HDHD2: variants seen among roughly 807,000 people sequenced by gnomAD.
HDHD2 encodes the protein haloacid dehalogenase-like hydrolase domain-containing protein 2.
Under a neutral mutation model 24.8 loss-of-function variants are expected in HDHD2, and 26 were observed. That is an observed-to-expected ratio of 1.05 (90% CI 0.77 to 1.45). The LOEUF (loss-of-function observed/expected upper bound fraction) is 1.45, where lower values mean the gene tolerates loss of function less well. HDHD2 is among the 40% of genes most tolerant of loss of function. HDHD2 has a pLI of 0.00. For synonymous variants in HDHD2, 128 were observed against 114.9 expected (o/e 1.11, Z -0.73); for missense variants, 299 against 313.4 (o/e 0.95, Z 0.35).
intron 6 of HDHD2, 75 bp from the exon 7 acceptor site, chr18:47,108,860 G>C: frequency 1.2e-6 from 1 of 818,786 alleles, no homozygotes; most frequent in South Asian, 1.4e-5. Context: ...TGAGCACCTG[G>C]GTCATCACAG....
rs114470714 is a variant in HDHD2 at position 47,142,968 on chromosome 18, C to T, written c.-10-6519G>A. 3.2e-3 allele frequency among the ~76,000 whole-genome samples: 486 copies of T among 152,238 alleles called. 7 individuals are homozygous for T. Among genetic ancestry groups the T allele is most frequent in the East Asian group, 0.026 (133 of 5,184 alleles). On this transcript the variant is annotated intron_variant, in intron 1 of 6. Transcript: ENST00000300605. The stretch of plus-strand genomic sequence containing the variant: ...CTCTTAAATGAAACAGAATTTACCT[C>T]CCTACACAGAATATACCAGACATAC...
At chr18:47,117,269 TG>T (rs1298038592) in intron 4 of HDHD2, among the ~76,000 whole-genome samples, 1 of 152,226 alleles carries the variant, frequency 6.6e-6, no homozygotes, top group Non-Finnish European at 1.5e-5. Flanking sequence ...GACTATGGCT[TG>T]TCCCCCCAAA....
chr18:47,149,123 C>T (rs565317903), intron 1 of HDHD2: 1 of 152,198 alleles, frequency 6.6e-6, no homozygotes, highest in East Asian at 1.9e-4. Flanking sequence ...GAGAGAGAAG[C>T]AAGGAGGGAA....
Position 47,108,770 on chromosome 18 carries a change from G to A in HDHD2, c.692C>T (p.Ser231Leu). ...ILVKTGKYRA[S>L]DEEKINPPPY... Reference sequence around the variant, plus strand: ...AGGTGGATTAATTTTTTCTTCATCTGATGCTCGATATTTCCCTGAAATGAA... The same window carrying A: ...AGGTGGATTAATTTTTTCTTCATCTAATGCTCGATATTTCCCTGAAATGAA... The change falls in exon 7 of 7, where the codon TCA becomes TTA. Residue 231 changes from serine to leucine, a missense_variant. Transcript: ENST00000300605. 1 of 1,604,626 alleles carries A rather than the reference G, an allele frequency of 6.2e-7. No homozygotes were observed. The highest frequency in any genetic ancestry group is 1.1e-5 in the South Asian group (1 of 90,572).
intron 2 of HDHD2, among the ~76,000 whole-genome samples, chr18:47,135,450 G>A (rs767671566): frequency 5.3e-5 from 8 of 151,964 alleles, no homozygotes; most frequent in African/African-American, 7.2e-5. Flanking sequence ...TAGTAGAGAC[G>A]GTGTTTCTCC....
At chr18:47,130,429 A>T in intron 3 of HDHD2, 101 bp from the exon 4 acceptor site, 1 of 738,030 alleles carries the variant, frequency 1.4e-6, no homozygotes, top group Non-Finnish European at 2.3e-6. Flanking sequence ...CTTTTGCTGT[A>T]TCCATAATTT....
chr18:47,127,340 C>A (rs2063668657), intron 4 of HDHD2, among the ~76,000 whole-genome samples: 1 of 152,132 alleles, frequency 6.6e-6, no homozygotes. Flanking sequence ...AGTATATACA[C>A]ATTATAAATT....
chr18:47,142,488 C>T (rs986298666), intron 1 of HDHD2, among the ~76,000 whole-genome samples: 2 of 152,050 alleles, frequency 1.3e-5, no homozygotes, highest in African/African-American at 4.8e-5. Context: ...AGCTAAACAC[C>T]CTTAATTCCA....
chr18:47,129,815 G>A (rs1388124804), intron 4 of HDHD2, among the ~76,000 whole-genome samples: 1 of 152,194 alleles, frequency 6.6e-6, no homozygotes, highest in East Asian at 1.9e-4. Flanking sequence ...GCACACGCCT[G>A]TAATTCCAGC....
intron 1 of HDHD2, among the ~76,000 whole-genome samples, chr18:47,138,530 G>T (rs1482523519): frequency 6.6e-6 from 1 of 152,188 alleles, no homozygotes; most frequent in Non-Finnish European, 1.5e-5. Context: ...TTCAGGTGAA[G>T]AATATATGGT....
chr18:47,133,604 A>G (rs1031524486), intron 3 of HDHD2, among the ~76,000 whole-genome samples: 1 of 151,866 alleles, frequency 6.6e-6, no homozygotes, highest in African/African-American at 2.4e-5. Flanking sequence ...CAACAGTGTA[A>G]AAGTGTTTCT....
chr18:47,134,358 G>T, intron 3 of HDHD2, 138 bp downstream of exon 3: 1 of 695,394 alleles, frequency 1.4e-6, no homozygotes, highest in Non-Finnish European at 2.4e-6. Flanking sequence ...TGCCAATTTA[G>T]ATTCAAAATA....
chr18:47,134,186 T>A (rs891107239), intron 3 of HDHD2, among the ~76,000 whole-genome samples: 3 of 152,214 alleles, frequency 2.0e-5, no homozygotes, highest in Non-Finnish European at 4.4e-5. Context: ...CTAAACAGCA[T>A]CATAATCAAA....
chr18:47,148,308 C>T (rs1160326639), intron 1 of HDHD2, among the ~76,000 whole-genome samples: 2 of 152,242 alleles, frequency 1.3e-5, no homozygotes, highest in African/African-American at 2.4e-5. Flanking sequence ...GTATAATACT[C>T]GTTACCTGAA....
intron 6 of HDHD2, chr18:47,109,328 C>T (rs896947396): frequency 1.3e-5 from 2 of 152,592 alleles, no homozygotes; most frequent in Non-Finnish European, 2.9e-5. Context: ...CACTTGGCAT[C>T]AAGCAGCAGG....
chr18:47,130,238 G>A lies in HDHD2; in HGVS notation c.395+6C>T, dbSNP rs745774629. 6.5e-7 allele frequency: 1 copy of A among 1,546,464 alleles called. No individual in the cohort carries two copies. The highest frequency in any genetic ancestry group is 8.9e-7 in the Non-Finnish European group (1 of 1,122,068). On this transcript the variant is annotated splice_donor_region_variant and intron_variant, in intron 4 of 6. Coordinates refer to ENST00000300605, the MANE Select transcript of HDHD2 (RefSeq NM_032124.5). The stretch of plus-strand genomic sequence containing the variant: ...GATCAGATGAAAAATAAATAGCTAG[G>A]TTTACCGGAATGCTTGATTCAGAAT...
At chr18:47,114,670 T>C (rs933839400) in intron 5 of HDHD2, among the ~76,000 whole-genome samples, 1 of 152,192 alleles carries the variant, frequency 6.6e-6, no homozygotes, top group Admixed American at 6.5e-5. Context: ...TAGCTTTAGC[T>C]ATTTGTGGCA....
intron 4 of HDHD2, among the ~76,000 whole-genome samples, chr18:47,119,971 T>C (rs1422641282): frequency 6.6e-6 from 1 of 152,182 alleles, no homozygotes; most frequent in East Asian, 1.9e-4. Context: ...AATATTCTGA[T>C]GGGAATCTAT....
chr18:47,148,859 G>GCAA (rs1483601812), intron 1 of HDHD2, among the ~76,000 whole-genome samples: 1 of 152,148 alleles, frequency 6.6e-6, no homozygotes, highest in Non-Finnish European at 1.5e-5. Flanking sequence ...TCCCTACAAT[G>GCAA]CAACAGTGCA....
Sources: allele counts gnomAD v4.1 joint callset (sites outside exome capture counted in the v4.1 genomes callset), GRCh38; gene constraint gnomAD v4.1.1; transcripts MANE v1.5; gene names NCBI Gene and HGNC (gene_info 2026-07-23, HGNC 2026-07-21).